The following PEAK1 variants were observed in gnomAD, a reference collection of about 807,000 sequenced individuals.
The protein encoded by PEAK1 is pseudopodium enriched atypical kinase 1, also known as inactive tyrosine-protein kinase PEAK1.
PEAK1 carries 54 observed loss-of-function variants against 124.7 expected under a neutral mutation model. That is an observed-to-expected ratio of 0.43 (90% CI 0.35 to 0.54). PEAK1 has a LOEUF of 0.54. Ranked by LOEUF, PEAK1 falls within the 20% of genes least tolerant of loss-of-function variation. PEAK1 has a pLI of 0.01. For missense variants in PEAK1, 2,046 were observed against 2,134.5 expected (o/e 0.96, Z 0.82); for synonymous variants, 719 against 760.0 (o/e 0.95, Z 0.89).
intron 5 of PEAK1, among the ~76,000 whole-genome samples, chr15:77,261,281 T>C (rs2152938664): frequency 6.6e-6 from 1 of 152,282 alleles, no homozygotes; most frequent in South Asian, 2.1e-4. Context: ...AGAATGACTT[T>C]GATGAGTTGA....
At chr15:77,414,631 TAA>T (rs2072728126) in intron 1 of PEAK1, among the ~76,000 whole-genome samples, 2 of 152,194 alleles carry the variant, frequency 1.3e-5, no homozygotes, top group African/African-American at 4.8e-5. Flanking sequence ...ATATGTTATT[TAA>T]CCTTTCTAAT....
chr15:77,318,437 T>G lies in PEAK1; in HGVS notation c.-602-31933A>C, dbSNP rs1386255762. Among the ~76,000 whole-genome samples the G allele has an allele frequency of 2.0e-5, 3 of 152,062 alleles. No individual in the cohort carries two copies. The East Asian group carries it at 5.8e-4, about 29-fold the overall frequency. On this transcript the variant is annotated intron_variant, in intron 2 of 9. Transcript: ENST00000682557. ...AACCCTTGCCAGAAACCCCTTATAT[T>G]AGGGTTTCATAAATGTTTGAAACAC...
At chr15:77,274,228 T>C (rs2062188144) in intron 5 of PEAK1, among the ~76,000 whole-genome samples, 1 of 152,130 alleles carries the variant, frequency 6.6e-6, no homozygotes, top group South Asian at 2.1e-4. Flanking sequence ...AAAGACTTCA[T>C]GACCAGAACC....
intron 6 of PEAK1, among the ~76,000 whole-genome samples, chr15:77,233,580 A>T (rs1369248849): frequency 6.6e-6 from 1 of 152,012 alleles, no homozygotes; most frequent in East Asian, 1.9e-4. Context: ...TCCCATCTTT[A>T]TCCATTCTCT....
At chr15:77,233,318 C>T (rs1028994966) in intron 6 of PEAK1, among the ~76,000 whole-genome samples, 2 of 152,148 alleles carry the variant, frequency 1.3e-5, no homozygotes, top group African/African-American at 4.8e-5. Flanking sequence ...ATTAAGGTGT[C>T]CAAAGACTGT....
At chr15:77,210,180 G>A (rs919816047) in intron 6 of PEAK1, among the ~76,000 whole-genome samples, 3 of 152,084 alleles carry the variant, frequency 2.0e-5, no homozygotes, top group African/African-American at 7.2e-5. Context: ...GTTACACTAA[G>A]GCAATATAAT....
intron 1 of PEAK1, among the ~76,000 whole-genome samples, chr15:77,369,398 T>C (rs1333450287): frequency 1.3e-5 from 2 of 152,268 alleles, no homozygotes; most frequent in East Asian, 1.9e-4. Flanking sequence ...TACAGACAGA[T>C]GGGAAAACAC....
chr15:77,170,863 C>T (rs1030559188), intron 7 of PEAK1, among the ~76,000 whole-genome samples: 10 of 152,164 alleles, frequency 6.6e-5, no homozygotes, highest in African/African-American at 2.4e-4. Flanking sequence ...GTATTATTCC[C>T]CCATGTGATG....
intron 5 of PEAK1, among the ~76,000 whole-genome samples, chr15:77,272,950 T>C (rs2062115152): frequency 6.6e-6 from 1 of 152,148 alleles, no homozygotes; most frequent in African/African-American, 2.4e-5. Context: ...GCAGGGATGG[T>C]TTAACATCTG....
chr15:77,231,394 C>A (rs914074817), intron 6 of PEAK1, among the ~76,000 whole-genome samples: 40 of 152,172 alleles, frequency 2.6e-4, no homozygotes, highest in African/African-American at 9.2e-4. Flanking sequence ...TTCATCAAGT[C>A]TTTCAAGACA....
chr15:77,243,576 G>T (rs2060449630), intron 6 of PEAK1, among the ~76,000 whole-genome samples: 1 of 152,218 alleles, frequency 6.6e-6, no homozygotes, highest in African/African-American at 2.4e-5. Context: ...CTATGTGATA[G>T]AAGGCCGAGG....
chr15:77,290,325 A>G (rs1037493514), intron 2 of PEAK1, among the ~76,000 whole-genome samples: 1 of 151,942 alleles, frequency 6.6e-6, no homozygotes, highest in African/African-American at 2.4e-5. Context: ...GGGTTTCATC[A>G]TGTTGGCTGG....
intron 6 of PEAK1, among the ~76,000 whole-genome samples, chr15:77,246,612 A>T (rs1030033014): frequency 6.6e-6 from 1 of 152,194 alleles, no homozygotes; most frequent in Non-Finnish European, 1.5e-5. Context: ...TGCTTTGTAG[A>T]TTATCAGCAC....
intron 5 of PEAK1, among the ~76,000 whole-genome samples, chr15:77,267,575 A>T (rs1169365818): frequency 1.3e-5 from 2 of 152,162 alleles, no homozygotes; most frequent in Non-Finnish European, 2.9e-5. Flanking sequence ...CCCAGAGCCT[A>T]ACAGCTCTGC....
chr15:77,202,215 C>T (rs944856904), intron 6 of PEAK1, among the ~76,000 whole-genome samples: 1 of 152,062 alleles, frequency 6.6e-6, no homozygotes, highest in Non-Finnish European at 1.5e-5. Flanking sequence ...TGCTCAATTG[C>T]GCACCTTGCA....
chr15:77,346,595 C>G (rs1314246548), intron 2 of PEAK1: 1 of 985,200 alleles, frequency 1.0e-6, no homozygotes, highest in African/African-American at 1.7e-5. Context: ...TTTTTCCCTT[C>G]TTCTAAAAGA....
chr15:77,154,868 T>C (rs1271255860), intron 8 of PEAK1, among the ~76,000 whole-genome samples: 1 of 152,134 alleles, frequency 6.6e-6, no homozygotes, highest in East Asian at 1.9e-4. Flanking sequence ...GTTAGTCTGA[T>C]GGGCTTCCCT....
chr15:77,220,005 C>T (rs1056034860), intron 6 of PEAK1, among the ~76,000 whole-genome samples: 1 of 152,118 alleles, frequency 6.6e-6, no homozygotes, highest in Non-Finnish European at 1.5e-5. Flanking sequence ...CAGACATCAA[C>T]ATTTCCTCCC....
Position 77,158,534 on chromosome 15 carries a change from C to A in PEAK1, c.3300G>T (p.Pro1100=). The change falls in exon 8 of 10, where the codon CCG becomes CCT. Residue 1100 remains proline, a synonymous_variant. Transcript: ENST00000682557. The part of the protein sequence containing the change: ...GKEDISDPMD[P]NPCSATYSNL... ...TGCTGTATGTTGCACTACAAGGGTTCGGGTCCATAGGATCTGAAATGTCTT... is the reference window on the plus strand; with the variant it reads ...TGCTGTATGTTGCACTACAAGGGTTAGGGTCCATAGGATCTGAAATGTCTT... 2.5e-6 allele frequency: 4 copies of A among 1,614,114 alleles called. No homozygotes were observed. Among genetic ancestry groups the A allele is most frequent in the Non-Finnish European group, 3.4e-6 (4 of 1,179,978 alleles).
Sources: allele counts gnomAD v4.1 joint callset (sites outside exome capture counted in the v4.1 genomes callset), GRCh38; gene constraint gnomAD v4.1.1; transcripts MANE v1.5; gene names NCBI Gene and HGNC (gene_info 2026-07-23, HGNC 2026-07-21).